The following SLCO6A1 variants were observed in gnomAD, a reference collection of about 807,000 sequenced individuals.
SLCO6A1 encodes the protein cancer/testis antigen 48.
SLCO6A1 carries 65 observed loss-of-function variants against 72.7 expected under a neutral mutation model. The ratio of observed to expected loss-of-function variants is 0.89; its 90% CI spans 0.73 to 1.10. The LOEUF (loss-of-function observed/expected upper bound fraction) is 1.10. Ranked by LOEUF, SLCO6A1 falls within the 50% of genes least tolerant of loss-of-function variation. SLCO6A1 has a pLI of 0.00. For synonymous variants in SLCO6A1, 314 were observed against 298.2 expected (o/e 1.05, Z -0.55); for missense variants, 874 against 872.6 (o/e 1.00, Z -0.02).
chr5:102,456,191 G>A (rs1010751323), intron 6 of SLCO6A1, among the ~76,000 whole-genome samples: 1 of 152,074 alleles, frequency 6.6e-6, no homozygotes, highest in African/African-American at 2.4e-5. Flanking sequence ...TTTGAAAACT[G>A]GCACAAGACA....
At chr5:102,381,782 C>G (rs954201803) in intron 12 of SLCO6A1, among the ~76,000 whole-genome samples, 1 of 134,780 alleles carries the variant, frequency 7.4e-6, no homozygotes, top group Non-Finnish European at 1.6e-5. Context: ...GAGGTGATAT[C>G]TCATTGCAAT....
Position 102,477,854 on chromosome 5 carries a change from G to A in SLCO6A1, c.624C>T (p.Cys208=), listed in dbSNP as rs200383477. The change falls in exon 3 of 14, where the codon TGC becomes TGT. Residue 208 remains cysteine, a synonymous_variant. Coordinates refer to ENST00000506729, the MANE Select transcript of SLCO6A1 (RefSeq NM_173488.5). ...AACCACTGACAACCTTTATTTCTTC[G>A]CAAATATCTTTTGAAAATACAATGA... ...KQSKVGIEDI[C]EEIKVVSGCQ... The A allele has an allele frequency of 1.2e-4, 197 of 1,582,058 alleles. No homozygotes were observed. Among genetic ancestry groups the A allele is most frequent in the Middle Eastern group, 1.2e-3 (7 of 5,940 alleles).
intron 7 of SLCO6A1, among the ~76,000 whole-genome samples, chr5:102,425,313 A>G (rs983032031): frequency 6.6e-6 from 1 of 152,182 alleles, no homozygotes; most frequent in Non-Finnish European, 1.5e-5. Context: ...TCAAATAGGA[A>G]GAGAGGAAGT....
chr5:102,492,032 G>A (rs181139110), intron 1 of SLCO6A1, among the ~76,000 whole-genome samples: 14 of 152,318 alleles, frequency 9.2e-5, no homozygotes, highest in Admixed American at 2.6e-4. Flanking sequence ...AGAGAAGGAG[G>A]AAGAGAGTGA....
intron 8 of SLCO6A1, among the ~76,000 whole-genome samples, chr5:102,414,464 C>A (rs904507840): frequency 6.6e-6 from 1 of 152,124 alleles, no homozygotes; most frequent in African/African-American, 2.4e-5. Flanking sequence ...ATTGATGATA[C>A]AATCTTAGGC....
intron 12 of SLCO6A1, among the ~76,000 whole-genome samples, chr5:102,376,955 GGA>G (rs1745829822): frequency 6.6e-6 from 1 of 152,116 alleles, no homozygotes; most frequent in Non-Finnish European, 1.5e-5. Context: ...CTTGAGGCCA[GGA>G]GTTCAAGATC....
chr5:102,430,803 C>A (rs753773942), intron 7 of SLCO6A1, among the ~76,000 whole-genome samples: 6 of 152,004 alleles, frequency 3.9e-5, no homozygotes, highest in Non-Finnish European at 8.8e-5. Flanking sequence ...ATGATTCTGG[C>A]CTCATAGAAT....
At position 102,477,880 on chromosome 5, in the gene SLCO6A1, T is replaced by C. The variant is rs1380442294; in HGVS notation, c.617-19A>G. ...CAAATATCTTTTGAAAATACAATGA[T>C]TATATTTTTGTTAATTGAACTCAAA... is the stretch of plus-strand genomic sequence containing the variant. On this transcript the variant is annotated intron_variant, in intron 2 of 13. Transcript: ENST00000506729. 1.3e-6 allele frequency: 2 copies of C among 1,574,836 alleles called. No homozygotes were observed. Among genetic ancestry groups the C allele is most frequent in the Non-Finnish European group, 8.6e-7 (1 of 1,157,508 alleles).
chr5:102,382,548 G>C (rs1746167236), intron 12 of SLCO6A1, among the ~76,000 whole-genome samples: 1 of 150,884 alleles, frequency 6.6e-6, no homozygotes, highest in African/African-American at 2.4e-5. Flanking sequence ...GATAGGTACT[G>C]CTTGGAATCT....
At chr5:102,471,047 G>T (rs1241792459) in intron 4 of SLCO6A1, among the ~76,000 whole-genome samples, 1 of 151,870 alleles carries the variant, frequency 6.6e-6, no homozygotes, top group Non-Finnish European at 1.5e-5. Context: ...TTGGGGCATG[G>T]TTTTTCTTTC....
intron 11 of SLCO6A1, 84 bp downstream of exon 11, chr5:102,390,897 A>G: frequency 8.7e-7 from 1 of 1,148,752 alleles, no homozygotes; most frequent in Non-Finnish European, 1.3e-6. Flanking sequence ...ACTATTATTT[A>G]TTTGTAATAC....
intron 9 of SLCO6A1, among the ~76,000 whole-genome samples, chr5:102,405,398 T>A (rs962624472): frequency 1.0e-4 from 15 of 146,492 alleles, no homozygotes; most frequent in African/African-American, 2.0e-4. Flanking sequence ...AAGCAAAATT[T>A]AAAAAAAAAA....
At chr5:102,487,360 T>C (rs77176574) in intron 1 of SLCO6A1, among the ~76,000 whole-genome samples, 3,395 of 152,270 alleles carry the variant, frequency 0.022, 88 homozygotes, top group African/African-American at 0.065. Context: ...CCATTTTTGA[T>C]GTCATGGTGC....
chr5:102,441,924 TATTG>T (rs1356214247), intron 6 of SLCO6A1, among the ~76,000 whole-genome samples: 9 of 152,102 alleles, frequency 5.9e-5, no homozygotes, highest in African/African-American at 1.9e-4. Context: ...TAGATTCAAA[TATTG>T]ATTAACTAGA....
intron 1 of SLCO6A1, among the ~76,000 whole-genome samples, chr5:102,481,692 A>G (rs562435343): frequency 8.5e-5 from 13 of 152,338 alleles, no homozygotes; most frequent in African/African-American, 3.1e-4. Context: ...TAGCAATATC[A>G]TCATGCTTCT....
chr5:102,470,634 G>GT lies in SLCO6A1; in HGVS notation c.899+5062dup, dbSNP rs540345748. On this transcript the variant is annotated intron_variant, in intron 4 of 13. Coordinates refer to ENST00000506729, the MANE Select transcript of SLCO6A1 (RefSeq NM_173488.5). ...CCTGGATTCATTGATTTTTTGAAGG[G>GT]TTTTTTGTCTCATGGGGTGTTCCCT... Among the ~76,000 whole-genome samples, 442 of 152,044 alleles carry GT rather than the reference G, an allele frequency of 2.9e-3. 4 individuals carry two copies. The highest frequency in any genetic ancestry group is 0.01 in the Middle Eastern group (3 of 294).
intron 12 of SLCO6A1, among the ~76,000 whole-genome samples, chr5:102,382,958 T>G (rs1457141704): frequency 7.0e-6 from 1 of 142,186 alleles, no homozygotes; most frequent in Non-Finnish European, 1.5e-5. Flanking sequence ...ATGAGAGATA[T>G]ATATATGTGT....
chr5:102,429,800 T>A (rs747811691), intron 7 of SLCO6A1, among the ~76,000 whole-genome samples: 3 of 152,180 alleles, frequency 2.0e-5, no homozygotes, highest in Non-Finnish European at 4.4e-5. Context: ...CTTTTTTGGA[T>A]CCATATGAAT....
intron 4 of SLCO6A1, among the ~76,000 whole-genome samples, chr5:102,468,439 C>T (rs1751419694): frequency 6.6e-6 from 1 of 151,712 alleles, no homozygotes; most frequent in South Asian, 2.1e-4. Context: ...TACTGAAGTC[C>T]CCACTATTAT....
Sources: allele counts gnomAD v4.1 joint callset (sites outside exome capture counted in the v4.1 genomes callset), GRCh38; gene constraint gnomAD v4.1.1; transcripts MANE v1.5; gene names NCBI Gene and HGNC (gene_info 2026-07-23, HGNC 2026-07-21).